Variants in DSCAM observed in about 807,000 individuals in gnomAD.
DSCAM encodes cell adhesion molecule DSCAM.
DSCAM carries 47 observed loss-of-function variants against 217.7 expected under a neutral mutation model. That is an observed-to-expected ratio of 0.22 (90% CI 0.17 to 0.28). DSCAM has a LOEUF of 0.28. Ranked by LOEUF, DSCAM falls within the 10% of genes least tolerant of loss-of-function variation. DSCAM has a pLI of 1.00. For synonymous variants in DSCAM, 1,056 were observed against 1,015.3 expected, an observed-to-expected ratio of 1.04 and a Z score of -0.76; for missense variants, 2,080 against 2,618.3, an observed-to-expected ratio of 0.79 and a Z score of 4.49.
intron 20 of DSCAM, among the ~76,000 whole-genome samples, chr21:40,119,874 G>A (rs2090013084): frequency 6.6e-6 from 1 of 152,080 alleles, no homozygotes; most frequent in African/African-American, 2.4e-5. Flanking sequence ...GAGCACGTTA[G>A]ATGCTGCTTT....
intron 3 of DSCAM, among the ~76,000 whole-genome samples, chr21:40,599,053 T>C (rs1355535833): frequency 6.6e-6 from 1 of 152,204 alleles, no homozygotes; most frequent in African/African-American, 2.4e-5. Flanking sequence ...GGATCATTTG[T>C]TTTCACATTG....
At chr21:40,197,318 C>T (rs1376646265) in intron 11 of DSCAM, among the ~76,000 whole-genome samples, 2 of 152,054 alleles carry the variant, frequency 1.3e-5, no homozygotes, top group Non-Finnish European at 2.9e-5. Context: ...GAGGGTTTCA[C>T]CTTGTTAGCC....
At chr21:40,373,963 T>C (rs1401411579) in intron 3 of DSCAM, among the ~76,000 whole-genome samples, 1 of 152,256 alleles carries the variant, frequency 6.6e-6, no homozygotes, top group East Asian at 1.9e-4. Context: ...TTATGTCATC[T>C]AGCAGATAGT....
intron 11 of DSCAM, among the ~76,000 whole-genome samples, chr21:40,233,178 GT>G (rs984274834): frequency 2.6e-5 from 4 of 151,824 alleles, no homozygotes; most frequent in African/African-American, 7.2e-5. Flanking sequence ...GAACCTAAAA[GT>G]TTTTTTTAAA....
In DSCAM at chr21:40,422,644, TAAC is replaced by T. The variant is rs146474994; in HGVS notation, c.509-53402_509-53400del. Among the ~76,000 whole-genome samples the T allele has an allele frequency of 8.0e-3, 1,223 of 152,262 alleles. 16 individuals are homozygous for T. The highest frequency in any genetic ancestry group is 0.028 in the African/African-American group (1,149 of 41,544). ...GTGATAGAGTGAGACTCCGTCTCAATAACAACAACAAAAAAGTTGACATGTAAA... is the reference window on the plus strand; with the variant it reads ...GTGATAGAGTGAGACTCCGTCTCAATAACAACAAAAAAGTTGACATGTAAA... On this transcript the variant is annotated intron_variant, in intron 3 of 32. Coordinates refer to ENST00000400454, the MANE Select transcript of DSCAM (RefSeq NM_001389.5).
intron 3 of DSCAM, among the ~76,000 whole-genome samples, chr21:40,387,641 G>T (rs139189353): frequency 4.0e-4 from 61 of 152,300 alleles, no homozygotes; most frequent in Non-Finnish European, 5.3e-4. Flanking sequence ...CCAATCTTGA[G>T]CTTCCAGTAC....
intron 11 of DSCAM, among the ~76,000 whole-genome samples, chr21:40,267,419 G>A (rs1386040791): frequency 1.3e-5 from 2 of 152,140 alleles, no homozygotes; most frequent in Admixed American, 1.3e-4. Flanking sequence ...CAGTAGGTTT[G>A]TTATGTAAGC....
At chr21:40,062,450 A>G (rs12626218) in intron 28 of DSCAM, among the ~76,000 whole-genome samples, 51,771 of 152,096 alleles carry the variant, frequency 0.34, 9,771 homozygotes, top group East Asian at 0.54. Flanking sequence ...TGATGGAGAC[A>G]CAGAGCCTTT....
At chr21:40,112,904 T>G (rs540658885) in intron 20 of DSCAM, among the ~76,000 whole-genome samples, 2 of 152,292 alleles carry the variant, frequency 1.3e-5, no homozygotes, top group Admixed American at 1.3e-4. Flanking sequence ...TAAGAGGCTC[T>G]GAAATTGAGG....
chr21:40,821,083 CAT>C lies in DSCAM; in HGVS notation c.43+25534_43+25535del, dbSNP rs1012265420. On this transcript the variant is annotated intron_variant, in intron 1 of 32. Coordinates refer to ENST00000400454, the MANE Select transcript of DSCAM (RefSeq NM_001389.5). ...ATATATCTTCACATATAGATCTTCA[CAT>C]ATATAGAGAGATATATATATCTTCA... Among the ~76,000 whole-genome samples, 572 of 147,156 alleles carry C rather than the reference CAT, an allele frequency of 3.9e-3. 1 individual carries two copies. The highest frequency in any genetic ancestry group is 0.013 in the African/African-American group (525 of 39,452).
At chr21:40,135,258 C>T (rs986121002) in intron 18 of DSCAM, among the ~76,000 whole-genome samples, 7 of 152,204 alleles carry the variant, frequency 4.6e-5, no homozygotes, top group Admixed American at 3.3e-4. Flanking sequence ...CAGACCTGCT[C>T]GTCAACTGAC....
chr21:40,780,423 G>GTGTATATATATATATA (rs1007015659), intron 1 of DSCAM, among the ~76,000 whole-genome samples: 21 of 56,420 alleles, frequency 3.7e-4, no homozygotes, highest in East Asian at 2.3e-3. Context: ...GTGTGTGTGT[G>GTGTATATATATATATA]TATATATATA....
At chr21:40,693,254 G>A (rs2090557782) in intron 2 of DSCAM, among the ~76,000 whole-genome samples, 1 of 152,082 alleles carries the variant, frequency 6.6e-6, no homozygotes, top group Non-Finnish European at 1.5e-5. Flanking sequence ...GGGCAACATG[G>A]CAACACCCCA....
At chr21:40,496,636 C>G (rs866931004) in intron 3 of DSCAM, among the ~76,000 whole-genome samples, 1 of 151,964 alleles carries the variant, frequency 6.6e-6, no homozygotes, top group Non-Finnish European at 1.5e-5. Flanking sequence ...AGGCAACAAA[C>G]GTAGACAACT....
chr21:40,031,049 C>T (rs930520517), intron 32 of DSCAM, among the ~76,000 whole-genome samples: 2 of 152,114 alleles, frequency 1.3e-5, no homozygotes, highest in Non-Finnish European at 2.9e-5. Context: ...TGTTTGTGTC[C>T]TCTTGTTCCA....
At chr21:40,067,717 TCCCCTCATTCCCTCCC>T (rs2089228643) in intron 27 of DSCAM, among the ~76,000 whole-genome samples, 2 of 47,844 alleles carry the variant, frequency 4.2e-5, no homozygotes, top group African/African-American at 2.2e-4. Context: ...TCCCCTCCCC[TCCCCTCATTCCCTCCC>T]TCCCCTCATT....
chr21:40,184,133 G>T (rs1438473549), intron 14 of DSCAM, among the ~76,000 whole-genome samples: 1 of 152,192 alleles, frequency 6.6e-6, no homozygotes, highest in Non-Finnish European at 1.5e-5. Context: ...GTCAGGGAAG[G>T]CTTCCTGGAA....
chr21:40,402,862 G>C (rs778570230), intron 3 of DSCAM, among the ~76,000 whole-genome samples: 43 of 152,026 alleles, frequency 2.8e-4, no homozygotes, highest in Non-Finnish European at 4.4e-4. Context: ...TCAAAACTCA[G>C]AGTAAGGCAA....
At chr21:40,381,712 T>C (rs2123731089) in intron 3 of DSCAM, among the ~76,000 whole-genome samples, 1 of 152,348 alleles carries the variant, frequency 6.6e-6, no homozygotes, top group South Asian at 2.1e-4. Flanking sequence ...CCATAAAGAA[T>C]GAAACTAACA....
Sources: gnomAD v4.1 joint callset for allele counts (sites outside exome capture counted in the v4.1 genomes callset) on GRCh38, gnomAD v4.1.1 for gene constraint, MANE v1.5 for transcripts, NCBI Gene and HGNC (gene_info 2026-07-23, HGNC 2026-07-21) for gene names.